Variants in COBLL1 observed in about 807,000 individuals in gnomAD.
COBLL1 encodes cordon-bleu protein-like 1.
A neutral mutation model predicts 94.8 loss-of-function variants in COBLL1; 50 were observed. The observed-to-expected ratio is 0.53, with a 90% CI of 0.42 to 0.67. COBLL1 has a LOEUF of 0.67. Ranked by LOEUF, COBLL1 falls within the 30% of genes least tolerant of loss-of-function variation. The pLI is 0.00. For missense variants in COBLL1, 1,362 were observed against 1,348.7 expected, an observed-to-expected ratio of 1.01 and a Z score of -0.15; for synonymous variants, 448 against 473.8, an observed-to-expected ratio of 0.95 and a Z score of 0.71.
Position 164,841,554 on chromosome 2 carries a change from G to A in COBLL1, c.-51+156C>T. 1.3e-6 allele frequency: 1 copy of A among 741,024 alleles called. No individual in the cohort carries two copies. The highest frequency in any genetic ancestry group is 1.7e-6 in the Non-Finnish European group (1 of 574,266). 45.9% of individuals were successfully genotyped at this position (741,024 alleles called of 1,614,324 possible). A position where few individuals can be genotyped will look rare whatever the true frequency, so the allele number is the denominator to read the frequency against. On this transcript the variant is annotated intron_variant, in intron 1 of 13. Coordinates refer to ENST00000652658, the MANE Select transcript of COBLL1 (RefSeq NM_001365672.2). This position sits in a 1 kb window ranked among gnomAD's most constrained non-coding sequence, Gnocchi z 5.5. ...GGAGCCGCCGGGGCTGGAAAAGGAGGAGGAGCGGGGCCGGGCGCACGGGCA... is the reference window on the plus strand; with the variant it reads ...GGAGCCGCCGGGGCTGGAAAAGGAGAAGGAGCGGGGCCGGGCGCACGGGCA...
At chr2:164,786,327 T>C (rs1422432534) in intron 2 of COBLL1, among the ~76,000 whole-genome samples, 1 of 152,120 alleles carries the variant, frequency 6.6e-6, no homozygotes, top group Non-Finnish European at 1.5e-5. Flanking sequence ...ATAACATGAA[T>C]ACAAAGTGTC....
chr2:164,781,422 A>G (rs1338781297), intron 2 of COBLL1, among the ~76,000 whole-genome samples: 1 of 152,226 alleles, frequency 6.6e-6, no homozygotes, highest in African/African-American at 2.4e-5. Context: ...ATTTTTAGAT[A>G]AAAGAATACT....
At chr2:164,783,377 C>A (rs773252121) in intron 2 of COBLL1, among the ~76,000 whole-genome samples, 11 of 152,000 alleles carry the variant, frequency 7.2e-5, no homozygotes, top group Non-Finnish European at 1.0e-4. Context: ...TGTGCCACTG[C>A]ATGCATTCTA....
intron 13 of COBLL1, among the ~76,000 whole-genome samples, chr2:164,690,345 C>T (rs1390049064): frequency 6.6e-6 from 1 of 152,062 alleles, no homozygotes; most frequent in African/African-American, 2.4e-5. Flanking sequence ...TAAGGTTCCA[C>T]TGAAAGAGAA....
intron 3 of COBLL1, among the ~76,000 whole-genome samples, chr2:164,737,300 T>C (rs1169259810): frequency 6.6e-6 from 1 of 152,148 alleles, no homozygotes. Flanking sequence ...TGTGAATACT[T>C]TGTCACCCCT....
intron 1 of COBLL1, among the ~76,000 whole-genome samples, chr2:164,673,916 A>G (rs1175329293): frequency 6.6e-6 from 1 of 152,230 alleles, no homozygotes; most frequent in Non-Finnish European, 1.5e-5. Flanking sequence ...TCAAGAATGA[A>G]GCTGGCTATT....
chr2:164,680,830 T>C lies in COBLL1; in HGVS notation c.*5116A>G, dbSNP rs1002371966. 6 of 152,136 alleles carry C rather than the reference T, an allele frequency of 3.9e-5. No homozygotes were observed. The highest frequency in any genetic ancestry group is 9.7e-5 in the African/African-American group (4 of 41,430). 9.4% of individuals were successfully genotyped at this position (152,136 alleles called of 1,614,324 possible). A position where few individuals can be genotyped will look rare whatever the true frequency, so the allele number is the denominator to read the frequency against. ...TATTTTATCTTGCAATCCTGTGAAA[T>C]AGACAAATTTAATGACCTTCTGAAG... On this transcript the variant is annotated 3_prime_UTR_variant, in exon 14 of 14. Transcript: ENST00000652658.
Position 164,733,615 on chromosome 2 carries a change from T to C in COBLL1, c.231-3500A>G, listed in dbSNP as rs1055636338. On this transcript the variant is annotated intron_variant, in intron 3 of 13. Coordinates refer to ENST00000652658, the MANE Select transcript of COBLL1 (RefSeq NM_001365672.2). ...GTTCTGCAATAGACATAACTACATA[T>C]GTGAATTTAATACTGCATATGAATT... Among the ~76,000 whole-genome samples, 148 of 152,174 alleles carry C rather than the reference T, an allele frequency of 9.7e-4. 1 individual carries two copies. Among genetic ancestry groups the C allele is most frequent in the African/African-American group, 3.5e-3 (147 of 41,438 alleles).
chr2:164,819,816 T>C (rs886258954), intron 2 of COBLL1, among the ~76,000 whole-genome samples: 17 of 150,810 alleles, frequency 1.1e-4, no homozygotes, highest in African/African-American at 4.2e-4. Flanking sequence ...TTTTTTTTTG[T>C]TTTGTTTTTG....
chr2:164,699,639 G>A, intron 10 of COBLL1, 140 bp from the exon 11 acceptor site: 1 of 509,696 alleles, frequency 2.0e-6, no homozygotes, highest in Non-Finnish European at 3.5e-6. Flanking sequence ...ATTTATTTCT[G>A]CCAAACATCG....
chr2:164,767,655 A>C (rs1687998961), intron 2 of COBLL1, among the ~76,000 whole-genome samples: 1 of 152,194 alleles, frequency 6.6e-6, no homozygotes, highest in Non-Finnish European at 1.5e-5. Context: ...AAAATAATTT[A>C]CATGTAAATT....
chr2:164,819,988 GC>G (rs1304303724), intron 2 of COBLL1, among the ~76,000 whole-genome samples: 2 of 128,366 alleles, frequency 1.6e-5, no homozygotes, highest in Admixed American at 1.6e-4. Flanking sequence ...ACCATACCTG[GC>G]TTTTTTTTTT....
chr2:164,754,062 T>C (rs1350571122), intron 2 of COBLL1, among the ~76,000 whole-genome samples: 1 of 152,148 alleles, frequency 6.6e-6, no homozygotes, highest in African/African-American at 2.4e-5. Context: ...ATAAATTTCA[T>C]GACATCTAAA....
chr2:164,731,284 T>C (rs1052484700), intron 3 of COBLL1, among the ~76,000 whole-genome samples: 2 of 152,076 alleles, frequency 1.3e-5, no homozygotes, highest in African/African-American at 4.8e-5. Context: ...AGTAAATGCA[T>C]GAGATAATTT....
At chr2:164,730,759 T>C (rs1019571288) in intron 3 of COBLL1, among the ~76,000 whole-genome samples, 4 of 152,188 alleles carry the variant, frequency 2.6e-5, no homozygotes, top group Non-Finnish European at 5.9e-5. Context: ...AATATAACAT[T>C]GGCAGTCTTT....
chr2:164,694,719 G>A lies in COBLL1; in HGVS notation c.2673C>T (p.Ala891=), dbSNP rs751632185. 1 of 1,613,790 alleles carries A rather than the reference G, an allele frequency of 6.2e-7. No homozygotes were observed. ...TSAAAKSVHA[A]PNPAPKELTN... ...TCAGTTCTTTTGGAGCAGGATTAGG[G>A]GCAGCATGGACACTCTTGGCAGCTG... The change falls in exon 12 of 14, where the codon GCC becomes GCT. Residue 891 remains alanine, a synonymous_variant. Coordinates refer to ENST00000652658, the MANE Select transcript of COBLL1 (RefSeq NM_001365672.2).
intron 7 of COBLL1, among the ~76,000 whole-genome samples, chr2:164,716,103 T>A (rs1685157556): frequency 6.6e-6 from 1 of 152,172 alleles, no homozygotes; most frequent in Admixed American, 6.5e-5. Context: ...GCCATTGATT[T>A]TATTAAATGT....
chr2:164,753,976 A>G (rs1687265257), intron 2 of COBLL1, among the ~76,000 whole-genome samples: 1 of 151,906 alleles, frequency 6.6e-6, no homozygotes, highest in Non-Finnish European at 1.5e-5. Context: ...CAAATGATCC[A>G]CTTGCCTCGG....
intron 1 of COBLL1, among the ~76,000 whole-genome samples, chr2:164,672,655 C>T (rs1049209667): frequency 8.9e-5 from 13 of 146,416 alleles, no homozygotes; most frequent in East Asian, 2.0e-4. Flanking sequence ...GCCGAGATTG[C>T]GCCACTGCAG....
Sources: gnomAD v4.1 joint callset for allele counts (sites outside exome capture counted in the v4.1 genomes callset) on GRCh38, gnomAD v4.1.1 for gene constraint, Gnocchi (gnomAD v3.1) non-coding constraint, MANE v1.5 for transcripts, NCBI Gene and HGNC (gene_info 2026-07-23, HGNC 2026-07-21) for gene names.